The following ITSN2 variants were observed in gnomAD, a reference collection of about 807,000 sequenced individuals.
The protein encoded by ITSN2 is intersectin 2, also known as intersectin-2.
ITSN2 carries 156 observed loss-of-function variants against 243.7 expected under a neutral mutation model. That is an observed-to-expected ratio of 0.64 (90% CI 0.56 to 0.73). The LOEUF (loss-of-function observed/expected upper bound fraction) is 0.73, where lower values mean the gene tolerates loss of function less well. Ranked by LOEUF, ITSN2 falls within the 30% of genes least tolerant of loss-of-function variation. ITSN2 has a pLI of 0.00. For synonymous variants in ITSN2, 703 were observed against 699.9 expected (o/e 1.00, Z -0.07); for missense variants, 1,801 against 1,996.1 (o/e 0.90, Z 1.86).
chr2:24,271,930 T>G lies in ITSN2; in HGVS notation c.2093A>C (p.Gln698Pro). 1 of 1,562,436 alleles carries G rather than the reference T, an allele frequency of 6.4e-7. No homozygotes were observed. Among genetic ancestry groups the G allele is most frequent in the Non-Finnish European group, 8.7e-7 (1 of 1,154,238 alleles). Residue 698 changes from glutamine to proline, a missense_variant, in exon 19 of 40, where the codon CAA becomes CCA. Physicochemically the swap from Gln to Pro is moderately conservative, Grantham distance 76. Coordinates refer to ENST00000355123, the MANE Select transcript of ITSN2 (RefSeq NM_006277.3). ...TTCTTTCCATAAGTTTTCTTTTCCTTGCTTTGCTTTCCTTTACATAAAAGA... is the reference window on the plus strand; with the variant it reads ...TTCTTTCCATAAGTTTTCTTTTCCTGGCTTTGCTTTCCTTTACATAAAAGA... ...LEDEAARKAK[Q>P]GKENLWKENL...
At position 24,337,648 on chromosome 2, in the gene ITSN2, C is replaced by CTT. The variant is rs751387126; in HGVS notation, c.-33-9535_-33-9534dup. On this transcript the variant is annotated intron_variant, in intron 1 of 39. Coordinates refer to ENST00000355123, the MANE Select transcript of ITSN2 (RefSeq NM_006277.3). ...TACAGGCGTGAGCCACCACGCCTGG[C>CTT]TTTTTTTTTTTTTTTTTTTTCTAGA... 1.6e-3 allele frequency among the ~76,000 whole-genome samples: 194 copies of CTT among 117,690 alleles called. 3 individuals are homozygous for CTT. Among genetic ancestry groups the CTT allele is most frequent in the African/African-American group, 4.8e-3 (153 of 31,948 alleles). 77.2% of individuals were successfully genotyped at this position (117,690 alleles called of 152,430 possible).
At chr2:24,261,540 T>C in intron 21 of ITSN2, 21 bp downstream of exon 21, 2 of 1,572,474 alleles carry the variant, frequency 1.3e-6, no homozygotes, top group Non-Finnish European at 8.7e-7. Context: ...ATATAAACTT[T>C]ACTGTTAGCT....
chr2:24,349,470 T>C (rs1010451209), intron 1 of ITSN2, among the ~76,000 whole-genome samples: 5 of 152,210 alleles, frequency 3.3e-5, no homozygotes, highest in Admixed American at 1.3e-4. Context: ...ATATGGCACA[T>C]AATTCTGAAG....
In ITSN2 at chr2:24,271,845, T is replaced by A; in HGVS notation, c.2178A>T (p.Glu726Asp). 1 of 1,610,954 alleles carries A rather than the reference T, an allele frequency of 6.2e-7. No homozygotes were observed. Among genetic ancestry groups the A allele is most frequent in the Non-Finnish European group, 8.5e-7 (1 of 1,179,418 alleles). ...CTTTCCGTTCCTCTTCTTGAATTTTTTCTTGTGTTTTTTCTTCCTGGAGTC... is the reference window on the plus strand; with the variant it reads ...CTTTCCGTTCCTCTTCTTGAATTTTATCTTGTGTTTTTTCTTCCTGGAGTC... The part of the protein sequence containing the change: ...QKRLQEEKTQ[E>D]KIQEEERKAE... Residue 726 changes from glutamate to aspartate, a missense_variant, in exon 19 of 40, where the codon GAA (glutamate) becomes GAT (aspartate). Around this residue, in one of 5 missense-constraint regions of ITSN2, gnomAD observed 787 missense variants for 803.9 expected, o/e 0.98. Coordinates refer to ENST00000355123, the MANE Select transcript of ITSN2 (RefSeq NM_006277.3).
At chr2:24,216,651 G>A (rs1321524481) in intron 31 of ITSN2, among the ~76,000 whole-genome samples, 1 of 152,178 alleles carries the variant, frequency 6.6e-6, no homozygotes, top group Non-Finnish European at 1.5e-5. Flanking sequence ...CTACTCCGGA[G>A]GCTGAGGTAG....
intron 8 of ITSN2, among the ~76,000 whole-genome samples, chr2:24,308,144 AC>A (rs1558598411): frequency 5.3e-5 from 8 of 152,230 alleles, no homozygotes; most frequent in Non-Finnish European, 1.0e-4. Context: ...CAAATGTTTT[AC>A]AGTGAACTAA....
At chr2:24,262,755 C>A (rs188160936) in intron 20 of ITSN2, among the ~76,000 whole-genome samples, 71 of 152,314 alleles carry the variant, frequency 4.7e-4, no homozygotes, top group East Asian at 3.9e-4. Context: ...CAACTACTTG[C>A]AAGATATCTT....
Position 24,295,712 on chromosome 2 carries a change from C to G in ITSN2, c.1587G>C (p.Gln529His). 3 of 1,559,844 alleles carry G rather than the reference C, an allele frequency of 1.9e-6. No individual in the cohort carries two copies. Among genetic ancestry groups the G allele is most frequent in the Admixed American group, 2.1e-5 (1 of 47,088 alleles). The change falls in exon 14 of 40, where the codon CAG (glutamine) becomes CAC (histidine). Residue 529 changes from glutamine (Q) to histidine (H), a missense_variant. Physicochemically the swap from Gln to His is conservative, Grantham distance 24. Coordinates refer to ENST00000355123, the MANE Select transcript of ITSN2 (RefSeq NM_006277.3). ...QKTELEVLDK[Q>H]CDLEIMEIKQ... ...TGATTTCCATAATTTCCAAGTCACA[C>G]TGCTTATCCAGAACTTCCAGCTCAG...
intron 20 of ITSN2, among the ~76,000 whole-genome samples, chr2:24,269,642 C>T (rs1677104559): frequency 6.6e-6 from 1 of 152,304 alleles, no homozygotes; most frequent in East Asian, 1.9e-4. Flanking sequence ...GGTTGTCACG[C>T]TTTTTCATTA....
At chr2:24,262,317 T>C (rs1676007169) in intron 20 of ITSN2, among the ~76,000 whole-genome samples, 1 of 152,200 alleles carries the variant, frequency 6.6e-6, no homozygotes, top group Non-Finnish European at 1.5e-5. Context: ...CTGATTAAAT[T>C]TCCTTTTTTG....
Position 24,246,110 on chromosome 2 carries a change from ATAATT to A in ITSN2, c.3577+14_3577+18del. 6.4e-7 allele frequency: 1 copy of A among 1,574,046 alleles called. No homozygotes were observed. Among genetic ancestry groups the A allele is most frequent in the Middle Eastern group, 1.7e-4 (1 of 5,916 alleles). On this transcript the variant is annotated intron_variant, in intron 29 of 39. Coordinates refer to ENST00000355123, the MANE Select transcript of ITSN2 (RefSeq NM_006277.3). ...AAGTTTCACACTAGGTGAGAGAAAA[ATAATT>A]TAATATTACTCACACTGTTGACTTG...
At chr2:24,327,998 C>CAA in intron 2 of ITSN2, 54 bp downstream of exon 2, 3 of 1,246,854 alleles carry the variant, frequency 2.4e-6, no homozygotes, top group South Asian at 1.4e-5. Flanking sequence ...AAACCTCTAC[C>CAA]AAAAAAAAAA....
chr2:24,296,002 T>G (rs1680916282), intron 13 of ITSN2, among the ~76,000 whole-genome samples, 198 bp from the exon 14 acceptor site: 1 of 152,184 alleles, frequency 6.6e-6, no homozygotes, highest in South Asian at 2.1e-4. Flanking sequence ...AAACACATCA[T>G]TCTCAGAGTG....
At chr2:24,220,535 A>G (rs1670344372) in intron 30 of ITSN2, 1 of 1,016,852 alleles carries the variant, frequency 9.8e-7, no homozygotes, top group Middle Eastern at 4.8e-4. Context: ...GTTCCTCCAG[A>G]GATACCAGTT....
At chr2:24,272,278 T>C (rs765956879) in intron 18 of ITSN2, among the ~76,000 whole-genome samples, 1 of 152,150 alleles carries the variant, frequency 6.6e-6, no homozygotes, top group African/African-American at 2.4e-5. Flanking sequence ...ATCTAAAAAT[T>C]ACATCTAAGT....
chr2:24,354,564 A>C (rs1399023139), intron 1 of ITSN2, among the ~76,000 whole-genome samples: 1 of 152,240 alleles, frequency 6.6e-6, no homozygotes, highest in Non-Finnish European at 1.5e-5. Flanking sequence ...ACATATAACA[A>C]CACTAGGAAC....
At chr2:24,294,968 G>A (rs749565071) in intron 14 of ITSN2, among the ~76,000 whole-genome samples, 8 of 152,116 alleles carry the variant, frequency 5.3e-5, no homozygotes, top group Non-Finnish European at 1.2e-4. Context: ...AGCCCTCATC[G>A]GACACTGAAT....
chr2:24,360,808 A>G (rs2551152), upstream of ITSN2: 149,276 of 152,646 alleles, frequency 0.98, 72,988 homozygotes, highest in East Asian at 0.99. Flanking sequence ...TCCCCGAGGT[A>G]ACATGCTGAG....
chr2:24,355,276 TACAG>T (rs1450311836), intron 1 of ITSN2, among the ~76,000 whole-genome samples: 1 of 152,228 alleles, frequency 6.6e-6, no homozygotes, highest in African/African-American at 2.4e-5. Context: ...TCTATCCACT[TACAG>T]AATTAATTAT....
Sources: allele counts gnomAD v4.1 joint callset (sites outside exome capture counted in the v4.1 genomes callset), GRCh38; gene constraint gnomAD v4.1.1; regional missense constraint gnomAD v4.1.1; transcripts MANE v1.5; gene names NCBI Gene and HGNC (gene_info 2026-07-23, HGNC 2026-07-21).